The following RPS6KC1 variants were observed in gnomAD, a reference collection of about 807,000 sequenced individuals.
RPS6KC1 encodes ribosomal protein S6 kinase C1.
In RPS6KC1, 54 loss-of-function variants were observed where a neutral mutation model predicts 103.8. The ratio of observed to expected loss-of-function variants is 0.52; its 90% CI spans 0.42 to 0.65. The LOEUF is 0.65. Ranked by LOEUF, RPS6KC1 falls within the 30% of genes least tolerant of loss-of-function variation. The probability of loss-of-function intolerance (pLI) is 0.00; values close to 1 mark genes in which losing one functional copy is unlikely to be tolerated. For missense variants in RPS6KC1, 1,151 were observed against 1,253.8 expected (o/e 0.92, Z 1.24); for synonymous variants, 439 against 438.7 (o/e 1.00, Z -0.01).
the RPS6KC1 span, among the ~76,000 whole-genome samples, chr1:213,616,863 G>A: frequency 6.6e-6 from 1 of 152,154 alleles, no homozygotes; most frequent in Admixed American, 6.5e-5. Flanking sequence ...AGTTCTGTGA[G>A]CAGAAGCAGG....
the RPS6KC1 span, among the ~76,000 whole-genome samples, chr1:213,357,065 C>T: frequency 4.6e-5 from 7 of 152,134 alleles, no homozygotes; most frequent in African/African-American, 1.7e-4. Context: ...GTAGTGATCA[C>T]CTCCCTCCAA....
At chr1:213,152,058 A>AC (rs1224480619) in intron 6 of RPS6KC1, among the ~76,000 whole-genome samples, 3 of 123,010 alleles carry the variant, frequency 2.4e-5, no homozygotes, top group Admixed American at 7.8e-5. Context: ...CGGGGGGCTA[A>AC]CCCCCCCACC....
At chr1:213,450,533 C>T in the RPS6KC1 span, among the ~76,000 whole-genome samples, 1 of 152,130 alleles carries the variant, frequency 6.6e-6, no homozygotes, top group African/African-American at 2.4e-5. Context: ...CCTCTCTCCA[C>T]TTGTCTAAAG....
chr1:213,806,637 T>A, the RPS6KC1 span, among the ~76,000 whole-genome samples: 1 of 149,306 alleles, frequency 6.7e-6, no homozygotes, highest in South Asian at 2.2e-4. Context: ...GCTTGGTAGA[T>A]CTTCCTCCAT....
chr1:213,255,272 G>C (rs938706382), intron 12 of RPS6KC1, among the ~76,000 whole-genome samples: 1 of 151,080 alleles, frequency 6.6e-6, no homozygotes, highest in African/African-American at 2.4e-5. Flanking sequence ...GCTGCAGTGA[G>C]TCATCATCCT....
the RPS6KC1 span, among the ~76,000 whole-genome samples, chr1:213,291,975 T>C: frequency 1.3e-5 from 2 of 152,142 alleles, no homozygotes; most frequent in East Asian, 1.9e-4. Flanking sequence ...GGCTAGCCAG[T>C]TTTTCCAGCA....
chr1:213,177,502 C>T (rs1438416954), intron 8 of RPS6KC1, among the ~76,000 whole-genome samples: 2 of 152,056 alleles, frequency 1.3e-5, no homozygotes, highest in Non-Finnish European at 1.5e-5. Context: ...TGAAGCATTC[C>T]AAAGGGAACA....
the RPS6KC1 span, among the ~76,000 whole-genome samples, chr1:213,551,787 C>G: frequency 6.6e-6 from 1 of 152,186 alleles, no homozygotes; most frequent in Admixed American, 6.6e-5. Flanking sequence ...AAATGTATGA[C>G]AGGTATTCAC....
chr1:213,686,779 C>A, the RPS6KC1 span, among the ~76,000 whole-genome samples: 1 of 152,170 alleles, frequency 6.6e-6, no homozygotes, highest in East Asian at 1.9e-4. Flanking sequence ...TAAAGGAATA[C>A]AAGAATGCCT....
rs780526542 is a variant in RPS6KC1 at position 213,272,548 on chromosome 1, C to T, written c.3115C>T (p.Arg1039Ter). Residue 1039 changes from arginine (R) to a stop codon, truncating the protein, a stop_gained, in exon 15 of 15, where the codon CGA becomes TGA. Transcript: ENST00000366960. LOFTEE classifies it high-confidence loss of function. Reference sequence around the variant, plus strand: ...GCTCTTGCAGTTCAATCCTCTGGAACGACTTGGTGCTGGAGTTGCTGGTGT... The same window carrying T: ...GCTCTTGCAGTTCAATCCTCTGGAATGACTTGGTGCTGGAGTTGCTGGTGT... ...QQLLQFNPLE[R>*]LGAGVAGVED... The T allele has an allele frequency of 9.9e-6, 16 of 1,613,806 alleles. No individual in the cohort carries two copies. Among genetic ancestry groups the T allele is most frequent in the East Asian group, 2.2e-5 (1 of 44,886 alleles).
the RPS6KC1 span, among the ~76,000 whole-genome samples, chr1:213,846,306 A>C: frequency 6.6e-6 from 1 of 151,924 alleles, no homozygotes; most frequent in Admixed American, 6.6e-5. Context: ...TCTCAAAAAA[A>C]AAGAAAGAAA....
intron 8 of RPS6KC1, among the ~76,000 whole-genome samples, chr1:213,185,553 C>T (rs2092483885): frequency 6.6e-6 from 1 of 152,082 alleles, no homozygotes; most frequent in East Asian, 1.9e-4. Context: ...GAGGCCGAGG[C>T]AGGAGAGTCA....
chr1:213,410,906 T>C, the RPS6KC1 span, among the ~76,000 whole-genome samples: 1 of 151,618 alleles, frequency 6.6e-6, no homozygotes, highest in East Asian at 1.9e-4. Flanking sequence ...AGACTGAAGA[T>C]GTTGAAAAGA....
the RPS6KC1 span, among the ~76,000 whole-genome samples, chr1:213,737,114 T>TA: frequency 6.6e-6 from 1 of 152,228 alleles, no homozygotes; most frequent in African/African-American, 2.4e-5. Context: ...CACAGGTTGA[T>TA]ACCTTAACAA....
chr1:213,263,735 C>G (rs2094851211), intron 14 of RPS6KC1, among the ~76,000 whole-genome samples: 1 of 152,102 alleles, frequency 6.6e-6, no homozygotes, highest in Non-Finnish European at 1.5e-5. Context: ...ATACAAGGCA[C>G]AGTGCTATAA....
intron 2 of RPS6KC1, among the ~76,000 whole-genome samples, chr1:213,077,062 G>A (rs1048619265): frequency 1.3e-5 from 2 of 152,126 alleles, no homozygotes; most frequent in Admixed American, 1.3e-4. Context: ...TAGAGATGGG[G>A]TTTCACCATG....
the RPS6KC1 span, chr1:213,822,550 C>T: frequency 6.6e-6 from 1 of 152,260 alleles, no homozygotes; most frequent in Non-Finnish European, 1.5e-5. Context: ...ACCCAGCTGC[C>T]TACTTAGACA....
At chr1:213,474,330 T>G in the RPS6KC1 span, among the ~76,000 whole-genome samples, 1 of 151,698 alleles carries the variant, frequency 6.6e-6, no homozygotes, top group Admixed American at 6.6e-5. Context: ...AGCGAACTGG[T>G]GCTCTAAGTC....
the RPS6KC1 span, among the ~76,000 whole-genome samples, chr1:213,840,350 T>C: frequency 2.0e-5 from 3 of 152,216 alleles, no homozygotes; most frequent in Non-Finnish European, 4.4e-5. Context: ...ACTCAGTATG[T>C]GCTGGGCACA....
Sources: gnomAD v4.1 joint callset for allele counts (sites outside exome capture counted in the v4.1 genomes callset) on GRCh38, gnomAD v4.1.1 for gene constraint, MANE v1.5 for transcripts, NCBI Gene and HGNC (gene_info 2026-07-23, HGNC 2026-07-21) for gene names.